RYR3: variants seen among roughly 807,000 people sequenced by gnomAD.
The protein encoded by RYR3 is ryanodine receptor 3, also known as brain ryanodine receptor-calcium release channel.
RYR3 carries 207 observed loss-of-function variants against 584.3 expected under a neutral mutation model. The observed-to-expected ratio is 0.35, with a 90% CI of 0.32 to 0.40. The LOEUF is 0.40. Ranked by LOEUF, RYR3 falls within the 10% of genes least tolerant of loss-of-function variation. RYR3 has a pLI of 1.00. For synonymous variants in RYR3, 2,416 were observed against 2,248.5 expected, an observed-to-expected ratio of 1.07 and a Z score of -2.11; for missense variants, 5,616 against 6,089.2, an observed-to-expected ratio of 0.92 and a Z score of 2.59.
chr15:33,798,083 C>T (rs146247296), intron 67 of RYR3, among the ~76,000 whole-genome samples: 17 of 76,246 alleles, frequency 2.2e-4, no homozygotes, highest in African/African-American at 8.0e-4. Flanking sequence ...GTCTGTCTGT[C>T]TTTTATTTAT....
At chr15:33,336,851 C>T (rs1490930456) in intron 1 of RYR3, among the ~76,000 whole-genome samples, 4 of 150,484 alleles carry the variant, frequency 2.7e-5, no homozygotes, top group Admixed American at 6.6e-5. Context: ...GTCAGGAGAT[C>T]GAGACCGTCC....
At position 33,601,536 on chromosome 15, in the gene RYR3, A is replaced by G; in HGVS notation, c.1906A>G (p.Ile636Val). The change falls in exon 17 of 104, where the codon ATT (isoleucine) becomes GTT (valine). Residue 636 changes from isoleucine to valine, a missense_variant. Ile to Val is a conservative substitution (Grantham distance 29). Coordinates refer to ENST00000634891, the MANE Select transcript of RYR3 (RefSeq NM_001036.6). ...AAACCTACTCCTGCAGACACGACTG[A>G]TTAACGATGTAACCAGGTAAGGCCA... ...RRNLLLQTRL[I>V]NDVTSIRPNI... 1 of 1,613,786 alleles carries G rather than the reference A, an allele frequency of 6.2e-7. No homozygotes were observed. The highest frequency in any genetic ancestry group is 8.5e-7 in the Non-Finnish European group (1 of 1,179,796).
chr15:33,811,856 A>C (rs1273074395), intron 72 of RYR3, among the ~76,000 whole-genome samples: 1 of 152,156 alleles, frequency 6.6e-6, no homozygotes, highest in Non-Finnish European at 1.5e-5. Flanking sequence ...GATAAAGGCT[A>C]TTTGAGATGT....
chr15:33,523,787 C>T (rs1250137670), intron 3 of RYR3, among the ~76,000 whole-genome samples: 1 of 152,096 alleles, frequency 6.6e-6, no homozygotes, highest in Non-Finnish European at 1.5e-5. Flanking sequence ...CCAACTGCAA[C>T]GAATCCCTGC....
At chr15:33,808,561 CAT>C (rs1482694303) in intron 70 of RYR3, among the ~76,000 whole-genome samples, 4 of 152,198 alleles carry the variant, frequency 2.6e-5, no homozygotes, top group South Asian at 2.1e-4. Context: ...CGTGATATCA[CAT>C]AGTTTATATA....
chr15:33,343,992 G>T (rs1468242266), intron 1 of RYR3, among the ~76,000 whole-genome samples: 1 of 152,156 alleles, frequency 6.6e-6, no homozygotes, highest in East Asian at 1.9e-4. Context: ...CTTATTTTAA[G>T]ATTAAGAAAA....
chr15:33,731,421 C>A, intron 47 of RYR3, 53 bp from the exon 48 acceptor site: 1 of 1,334,050 alleles, frequency 7.5e-7, no homozygotes, highest in Non-Finnish European at 1.1e-6. Flanking sequence ...GCAGAGCCAG[C>A]TTTGCTCTGT....
At chr15:33,669,888 TG>T (rs2063738531) in intron 37 of RYR3, among the ~76,000 whole-genome samples, 3 of 129,982 alleles carry the variant, frequency 2.3e-5, no homozygotes, top group African/African-American at 5.9e-5. Context: ...GTGGTGTGTG[TG>T]TGTGTGTGTG....
intron 62 of RYR3, among the ~76,000 whole-genome samples, chr15:33,771,182 C>A (rs184399706): frequency 6.4e-4 from 97 of 152,354 alleles, no homozygotes; most frequent in African/African-American, 2.2e-3. Flanking sequence ...TTTCCTTGCT[C>A]TTTTCCTCTA....
intron 43 of RYR3, among the ~76,000 whole-genome samples, chr15:33,714,410 G>A (rs1013462169): frequency 6.6e-6 from 1 of 151,940 alleles, no homozygotes; most frequent in African/African-American, 2.4e-5. Flanking sequence ...CATATAATTT[G>A]CTTCACTTTA....
At chr15:33,545,931 C>CT (rs1486561026) in intron 8 of RYR3, among the ~76,000 whole-genome samples, 1 of 152,182 alleles carries the variant, frequency 6.6e-6, no homozygotes, top group East Asian at 1.9e-4. Flanking sequence ...GATTAACAGT[C>CT]TAACATTTTG....
chr15:33,534,593 G>A lies in RYR3; in HGVS notation c.433+1204G>A, dbSNP rs149065025. On this transcript the variant is annotated intron_variant, in intron 5 of 103. Transcript: ENST00000634891. ...GAAAATGCTGACCAGGATGGCACAG[G>A]TTCTCACTGGAAACCAAAAATAAAG... is the stretch of plus-strand genomic sequence containing the variant. 5.8e-3 allele frequency among the ~76,000 whole-genome samples: 878 copies of A among 152,164 alleles called. 8 individuals are homozygous for A. Among genetic ancestry groups the A allele is most frequent in the Middle Eastern group, 0.024 (7 of 294 alleles).
At chr15:33,517,941 T>C (rs775803314) in intron 3 of RYR3, among the ~76,000 whole-genome samples, 1 of 152,208 alleles carries the variant, frequency 6.6e-6, no homozygotes, top group Non-Finnish European at 1.5e-5. Flanking sequence ...ATGGCACTTA[T>C]GGAACACCTA....
At chr15:33,523,720 A>G (rs1567444020) in intron 3 of RYR3, among the ~76,000 whole-genome samples, 1 of 152,242 alleles carries the variant, frequency 6.6e-6, no homozygotes, top group East Asian at 1.9e-4. Context: ...GTCCCCAAAA[A>G]CAAGAACGGG....
At chr15:33,849,780 C>G (rs1286406355) in intron 94 of RYR3, 2 of 152,218 alleles carry the variant, frequency 1.3e-5, no homozygotes, top group Non-Finnish European at 2.9e-5. Context: ...AACTGAGAAG[C>G]AGCTCTGCAA....
In RYR3 at chr15:33,835,039, T is replaced by A. The variant is rs376176805; in HGVS notation, c.11535T>A (p.His3845Gln). The A allele has an allele frequency of 9.0e-5, 145 of 1,613,812 alleles. 1 individual carries two copies. Among genetic ancestry groups the A allele is most frequent in the Non-Finnish European group, 1.2e-4 (142 of 1,179,852 alleles). The change falls in exon 87 of 104, where the codon CAT (histidine) becomes CAA (glutamine). Residue 3845 changes from histidine (H) to glutamine (Q), a missense_variant. By Grantham distance (24) the His-to-Gln change is conservative (BLOSUM62 0). This residue lies in a region of RYR3 where 954 missense variants were observed against 1,132.2 expected (regional missense o/e 0.84). Transcript: ENST00000634891. ...GGGACGCAGTGGTTGGCTTCCTCCA[T>A]GTCTTTGCTAATATGCAGATGAAAC... is the stretch of plus-strand genomic sequence containing the variant. ...RLWDAVVGFL[H>Q]VFANMQMKLS... is the part of the protein sequence containing the mutation.
At chr15:33,333,887 C>T (rs569955429) in intron 1 of RYR3, among the ~76,000 whole-genome samples, 2 of 152,240 alleles carry the variant, frequency 1.3e-5, no homozygotes, top group East Asian at 3.9e-4. Context: ...TGCTAATATT[C>T]TTCTACACTA....
chr15:33,613,217 G>T lies in RYR3; in HGVS notation c.2199G>T (p.Gln733His). Residue 733 changes from glutamine to histidine, a missense_variant, in exon 19 of 104, where the codon CAG becomes CAT. Physicochemically the swap from Gln to His is conservative, Grantham distance 24. Coordinates refer to ENST00000634891, the MANE Select transcript of RYR3 (RefSeq NM_001036.6). ...CCAGAGCTGTGGCTTCCATCAACCA[G>T]CACCTCCTGAGATCGGATGACGTGG... Reference protein sequence around the residue: ...RIPRAVASINQHLLRSDDVVS... With the variant: ...RIPRAVASINHHLLRSDDVVS... 6.2e-7 allele frequency: 1 copy of T among 1,613,844 alleles called. No homozygotes were observed. Among genetic ancestry groups the T allele is most frequent in the South Asian group, 1.1e-5 (1 of 91,042 alleles).
At chr15:33,529,593 A>G (rs1302426139) in intron 3 of RYR3, among the ~76,000 whole-genome samples, 1 of 152,152 alleles carries the variant, frequency 6.6e-6, no homozygotes, top group Admixed American at 6.5e-5. Flanking sequence ...TTTTTATCTC[A>G]AGCTTTAGAT....
Sources: gnomAD v4.1 joint callset for allele counts (sites outside exome capture counted in the v4.1 genomes callset) on GRCh38, gnomAD v4.1.1 for gene constraint, gnomAD v4.1.1 regional missense constraint, MANE v1.5 for transcripts, NCBI Gene and HGNC (gene_info 2026-07-23, HGNC 2026-07-21) for gene names.